Variants in IGSF11 observed in about 807,000 individuals in gnomAD.
IGSF11 encodes the protein immunoglobulin superfamily member 11, also known as CXADR like 1.
In IGSF11, 22 loss-of-function variants were observed where a neutral mutation model predicts 41.0. That is an observed-to-expected ratio of 0.54 (90% CI 0.38 to 0.77). The LOEUF is 0.77. Ranked by LOEUF, IGSF11 falls within the 30% of genes least tolerant of loss-of-function variation. The pLI is 0.00. For missense variants in IGSF11, 444 were observed against 530.8 expected, an observed-to-expected ratio of 0.84 and a Z score of 1.61; for synonymous variants, 219 against 201.3, an observed-to-expected ratio of 1.09 and a Z score of -0.74.
chr3:118,959,861 A>C (rs890897128), intron 1 of IGSF11, among the ~76,000 whole-genome samples: 1 of 151,908 alleles, frequency 6.6e-6, no homozygotes, highest in African/African-American at 2.4e-5. Context: ...TCCTGGCTAA[A>C]ATGGTGAAAC....
intron 1 of IGSF11, among the ~76,000 whole-genome samples, chr3:119,122,731 C>T (rs1479157617): frequency 2.6e-5 from 4 of 152,178 alleles, no homozygotes; most frequent in Non-Finnish European, 5.9e-5. Flanking sequence ...TCATGAGGCC[C>T]TAGCTCTCAG....
At chr3:118,946,623 C>A (rs1240556143) in intron 1 of IGSF11, among the ~76,000 whole-genome samples, 2 of 152,156 alleles carry the variant, frequency 1.3e-5, no homozygotes, top group Non-Finnish European at 2.9e-5. Flanking sequence ...GTATGTCATA[C>A]TGCTGGTGAA....
intron 6 of IGSF11, 77 bp downstream of exon 6, chr3:118,904,571 T>C (rs1939341939): frequency 3.8e-6 from 4 of 1,048,010 alleles, no homozygotes. Flanking sequence ...GATTAGTAGA[T>C]ATATCTTAAC....
At chr3:118,914,139 A>C (rs1220150092) in intron 4 of IGSF11, among the ~76,000 whole-genome samples, 1 of 152,182 alleles carries the variant, frequency 6.6e-6, no homozygotes, top group African/African-American at 2.4e-5. Context: ...TACACTTATA[A>C]CTCTGAAAGT....
intron 1 of IGSF11, among the ~76,000 whole-genome samples, chr3:119,092,263 T>C (rs145301844): frequency 1.3e-5 from 2 of 152,308 alleles, no homozygotes; most frequent in African/African-American, 4.8e-5. Context: ...TAAGCTAAGA[T>C]TAAACAAAGT....
At chr3:119,084,043 G>A (rs2076630772) in intron 1 of IGSF11, among the ~76,000 whole-genome samples, 1 of 151,980 alleles carries the variant, frequency 6.6e-6, no homozygotes. Flanking sequence ...CCCTGTGTAG[G>A]CCTAGGCTAA....
intron 4 of IGSF11, among the ~76,000 whole-genome samples, chr3:118,921,870 G>C (rs1941829016): frequency 2.0e-5 from 3 of 151,998 alleles, no homozygotes; most frequent in Admixed American, 2.0e-4. Flanking sequence ...AAAAACATAA[G>C]AGCAAGGCAA....
chr3:119,043,953 A>G (rs1238318115), intron 1 of IGSF11, among the ~76,000 whole-genome samples: 1 of 152,176 alleles, frequency 6.6e-6, no homozygotes, highest in Non-Finnish European at 1.5e-5. Flanking sequence ...CAGTCTACCC[A>G]AAAAAGAAGG....
At chr3:119,086,183 C>T (rs890561663) in intron 1 of IGSF11, among the ~76,000 whole-genome samples, 1 of 151,946 alleles carries the variant, frequency 6.6e-6, no homozygotes, top group African/African-American at 2.4e-5. Context: ...CTCAGTCGGA[C>T]AAAAATAAAG....
chr3:119,020,796 A>G (rs1032193702), intron 1 of IGSF11, among the ~76,000 whole-genome samples: 1 of 152,184 alleles, frequency 6.6e-6, no homozygotes, highest in East Asian at 1.9e-4. Flanking sequence ...TTTAACTATG[A>G]TATATCTATA....
At chr3:119,144,686 T>C (rs1443855925) in intron 1 of IGSF11, among the ~76,000 whole-genome samples, 1 of 152,082 alleles carries the variant, frequency 6.6e-6, no homozygotes, top group Non-Finnish European at 1.5e-5. Context: ...AACAGCTACA[T>C]TTAAAAAAAA....
At chr3:118,980,150 C>T (rs1332922862) in intron 1 of IGSF11, among the ~76,000 whole-genome samples, 4 of 152,150 alleles carry the variant, frequency 2.6e-5, no homozygotes, top group Non-Finnish European at 5.9e-5. Flanking sequence ...AACTACCATA[C>T]AATCCAGCAA....
chr3:118,908,548 T>C (rs1939887281), intron 4 of IGSF11, among the ~76,000 whole-genome samples: 1 of 152,216 alleles, frequency 6.6e-6, no homozygotes. Context: ...CTTGGTCTGC[T>C]CAGGCAGGGA....
intron 1 of IGSF11, among the ~76,000 whole-genome samples, chr3:119,090,070 C>A (rs957466240): frequency 4.6e-5 from 7 of 151,984 alleles, no homozygotes; most frequent in Admixed American, 2.6e-4. Flanking sequence ...AGTCAATATA[C>A]AAAAATCAGT....
intron 1 of IGSF11, among the ~76,000 whole-genome samples, chr3:119,018,045 G>A (rs781503670): frequency 2.6e-5 from 4 of 151,934 alleles, no homozygotes; most frequent in African/African-American, 7.3e-5. Context: ...CCCAAGAGTC[G>A]AGCACAATTT....
intron 1 of IGSF11, among the ~76,000 whole-genome samples, chr3:119,048,340 C>T (rs1048770566): frequency 9.9e-5 from 15 of 151,908 alleles, no homozygotes; most frequent in Non-Finnish European, 2.1e-4. Flanking sequence ...CACAGAAATA[C>T]AAACTACCAT....
chr3:119,084,451 G>A (rs1047444359), intron 1 of IGSF11, among the ~76,000 whole-genome samples: 1 of 152,132 alleles, frequency 6.6e-6, no homozygotes, highest in South Asian at 2.1e-4. Context: ...AGCTAGCAGG[G>A]GCATTTCCCC....
intron 1 of IGSF11, among the ~76,000 whole-genome samples, chr3:119,129,054 G>A (rs182460414): frequency 1.8e-4 from 27 of 152,188 alleles, no homozygotes; most frequent in Non-Finnish European, 2.9e-4. Flanking sequence ...GCAAAGTAGC[G>A]CAGGAACAGA....
rs142951970 is a variant in IGSF11, at chr3:119,102,997, A to ATTT, written c.49+2144_49+2146dup. Among the ~76,000 whole-genome samples, 986 of 126,814 alleles carry ATTT rather than the reference A, an allele frequency of 7.8e-3. 14 individuals carry two copies. The highest frequency in any genetic ancestry group is 0.011 in the Admixed American group (138 of 12,002). 83.2% of individuals were successfully genotyped at this position (126,814 alleles called of 152,430 possible). On this transcript the variant is annotated intron_variant, in intron 1 of 6. Transcript: ENST00000354673. ...TTATATTTTAATTCATACTTGGCCA[A>ATTT]TTTTTTTTTTTTTTTTTTGAGTTGG...
Sources: gnomAD v4.1 joint callset for allele counts (sites outside exome capture counted in the v4.1 genomes callset) on GRCh38, gnomAD v4.1.1 for gene constraint, MANE v1.5 for transcripts, NCBI Gene and HGNC (gene_info 2026-07-23, HGNC 2026-07-21) for gene names.